The following KLHL41 variants were observed in gnomAD, a reference collection of about 807,000 sequenced individuals.
The protein encoded by KLHL41 is kelch like family member 41, also known as kelch-like protein 41.
Under a neutral mutation model 49.2 loss-of-function variants are expected in KLHL41, and 31 were observed. That is an observed-to-expected ratio of 0.63 (90% CI 0.47 to 0.85). The LOEUF (loss-of-function observed/expected upper bound fraction) is 0.85. Ranked by LOEUF, KLHL41 falls within the 40% of genes least tolerant of loss-of-function variation. The pLI, the probability that KLHL41 is intolerant of heterozygous loss-of-function variation, is 0.00. For synonymous variants in KLHL41, 218 were observed against 258.5 expected, an observed-to-expected ratio of 0.84 and a Z score of 1.50; for missense variants, 663 against 726.7, an observed-to-expected ratio of 0.91 and a Z score of 1.01.
At chr2:169,524,717 C>CCAGG (rs1341230024) in intron 5 of KLHL41, among the ~76,000 whole-genome samples, 17 of 151,746 alleles carry the variant, frequency 1.1e-4, no homozygotes, top group African/African-American at 4.1e-4. Flanking sequence ...TTGTCTTGTG[C>CCAGG]CAGGTCTTGA....
In KLHL41 at chr2:169,525,636, T is replaced by C. The variant is rs1366879108; in HGVS notation, c.1761T>C (p.Tyr587=). The change falls in exon 6 of 6, where the codon TAT becomes TAC. Residue 587 remains tyrosine, a synonymous_variant. Transcript: ENST00000284669. ...EWAGMLKEIR[Y]ASGASCLATR... Reference sequence around the variant, plus strand: ...CTGGGATGTTGAAGGAAATACGTTATGCTTCAGGAGCTAGTTGCCTAGCAA... The same window carrying C: ...CTGGGATGTTGAAGGAAATACGTTACGCTTCAGGAGCTAGTTGCCTAGCAA... 6.2e-7 allele frequency: 1 copy of C among 1,613,796 alleles called. No homozygotes were observed. Among genetic ancestry groups the C allele is most frequent in the African/African-American group, 1.3e-5 (1 of 75,058 alleles).
rs762581295 is a variant in KLHL41, at chr2:169,509,797, C to G, written c.19C>G (p.Leu7Val). The G allele has an allele frequency of 1.2e-6, 2 of 1,611,620 alleles. No homozygotes were observed. The highest frequency in any genetic ancestry group is 2.2e-5 in the South Asian group (2 of 90,932). Residue 7 changes from leucine to valine, a missense_variant, in exon 1 of 6, where the codon CTT becomes GTT. Coordinates refer to ENST00000284669, the MANE Select transcript of KLHL41 (RefSeq NM_006063.3). MDSQRE[L>V]AEELRLYQST... The stretch of plus-strand genomic sequence containing the variant: ...TCACAGAATGGATTCCCAGCGGGAA[C>G]TTGCAGAGGAACTGCGGCTTTACCA...
Position 169,509,717 on chromosome 2 carries a change from C to T in KLHL41, c.-62C>T. The T allele has an allele frequency of 6.6e-7, 1 of 1,511,478 alleles. No homozygotes were observed. The highest frequency in any genetic ancestry group is 8.9e-7 in the Non-Finnish European group (1 of 1,126,548). The allele number at this position is 1,511,478 out of a possible 1,614,324, so 93.6% of individuals were successfully genotyped here. A position where few individuals can be genotyped will look rare whatever the true frequency, so the allele number is the denominator to read the frequency against. ...ACTGATCTGCCTTTTTACAGCTAGA[C>T]CTGTGTGCTGCAAGGAGCTAAGGCC... On this transcript the variant is annotated 5_prime_UTR_variant, in exon 1 of 6. Transcript: ENST00000284669.
At chr2:169,517,419 A>G (rs1352740837) in intron 3 of KLHL41, among the ~76,000 whole-genome samples, 1 of 152,230 alleles carries the variant, frequency 6.6e-6, no homozygotes, top group East Asian at 1.9e-4. Flanking sequence ...CCTGGCCAAC[A>G]TGGCGAAACC....
chr2:169,511,660 A>G (rs996128614), intron 1 of KLHL41, among the ~76,000 whole-genome samples: 3 of 152,094 alleles, frequency 2.0e-5, no homozygotes, highest in Non-Finnish European at 2.9e-5. Context: ...TATTCCACAC[A>G]CTTTGGATTA....
Position 169,510,578 on chromosome 2 carries a change from G to A in KLHL41, c.800G>A (p.Ser267Asn), listed in dbSNP as rs1400797830. The A allele has an allele frequency of 1.2e-6, 2 of 1,614,174 alleles. No homozygotes were observed. Among genetic ancestry groups the A allele is most frequent in the East Asian group, 2.2e-5 (1 of 44,888 alleles). Residue 267 changes from serine (S) to asparagine (N), a missense_variant, in exon 1 of 6, where the codon AGC becomes AAC. Transcript: ENST00000284669. This position sits in a 1 kb window ranked among gnomAD's most constrained non-coding sequence, Gnocchi z 4.2. The stretch of plus-strand genomic sequence containing the variant: ...TTCGCAGGCAAACTCCCAGAACCTA[G>A]CAAAAATGCCGCGAAGACTGGGGCT... ...DAFAGKLPEP[S>N]KNAAKTGAGE... is the part of the protein sequence containing the mutation.
chr2:169,518,067 T>A (rs550173333), intron 3 of KLHL41, 123 bp from the exon 4 acceptor site: 2 of 676,158 alleles, frequency 3.0e-6, no homozygotes, highest in South Asian at 4.5e-5. Flanking sequence ...TATGTTCAAA[T>A]TAAGAATTCT....
At chr2:169,515,163 A>C (rs1684097060) in intron 3 of KLHL41, among the ~76,000 whole-genome samples, 1 of 151,250 alleles carries the variant, frequency 6.6e-6, no homozygotes, top group Non-Finnish European at 1.5e-5. Context: ...CCTCCTGAGT[A>C]GCTGGGATTA....
intron 5 of KLHL41, among the ~76,000 whole-genome samples, chr2:169,524,804 GA>G (rs1261414099): frequency 6.6e-6 from 1 of 151,838 alleles, no homozygotes; most frequent in Non-Finnish European, 1.5e-5. Context: ...ATGGGGGGGG[GA>G]ATTAAAATGG....
intron 4 of KLHL41, among the ~76,000 whole-genome samples, chr2:169,520,155 TGTGTG>T (rs1684176317): frequency 1.4e-3 from 1 of 728 alleles, no homozygotes; most frequent in Non-Finnish European, 3.1e-3. Flanking sequence ...CCTAGCTCTG[TGTGTG>T]TGTGTGTGTG....
At chr2:169,511,036 C>G in intron 1 of KLHL41, 148 bp downstream of exon 1, 2 of 660,126 alleles carry the variant, frequency 3.0e-6, no homozygotes. Context: ...CTGTATAGAG[C>G]GTTGACAGAA....
chr2:169,517,651 C>G (rs1369804589), intron 3 of KLHL41, among the ~76,000 whole-genome samples: 1 of 152,186 alleles, frequency 6.6e-6, no homozygotes, highest in African/African-American at 2.4e-5. Context: ...AAACTGTTGT[C>G]ATGATTCATC....
At chr2:169,514,819 T>C (rs774274795) in intron 2 of KLHL41, 35 bp from the exon 3 acceptor site, 18 of 1,592,186 alleles carry the variant, frequency 1.1e-5, no homozygotes, top group Non-Finnish European at 1.5e-5. Flanking sequence ...TGGAATTTAC[T>C]GAAGGTATAT....
chr2:169,512,725 A>C (rs1274023476), intron 1 of KLHL41, among the ~76,000 whole-genome samples: 1 of 152,168 alleles, frequency 6.6e-6, no homozygotes, highest in Non-Finnish European at 1.5e-5. Flanking sequence ...GGATAAAAAC[A>C]CTTCACCATA....
chr2:169,524,418 C>CTTTTTTTT (rs113248017), intron 5 of KLHL41, among the ~76,000 whole-genome samples: 6 of 116,028 alleles, frequency 5.2e-5, no homozygotes, highest in Non-Finnish European at 9.1e-5. Flanking sequence ...TGGGGTAAAT[C>CTTTTTTTT]TTTTTTTTTT....
At chr2:169,515,075 C>A (rs1274048183) in intron 3 of KLHL41, 114 bp downstream of exon 3, 14 of 653,132 alleles carry the variant, frequency 2.1e-5, no homozygotes, top group Non-Finnish European at 3.3e-5. Context: ...CTCTTGTTGC[C>A]CAGGCTGGAG....
At chr2:169,521,029 T>C (rs963483226) in intron 5 of KLHL41, 22 bp downstream of exon 5, 2 of 1,602,982 alleles carry the variant, frequency 1.2e-6, no homozygotes, top group African/African-American at 1.3e-5. Context: ...TCACTTCAAT[T>C]TTCAGAATCA....
chr2:169,512,355 A>G (rs1471843562), intron 1 of KLHL41, among the ~76,000 whole-genome samples: 4 of 152,222 alleles, frequency 2.6e-5, no homozygotes, highest in Admixed American at 2.6e-4. Context: ...TTATAAAAAC[A>G]CAGATAGACA....
At chr2:169,513,198 G>A (rs1327190541) in intron 1 of KLHL41, among the ~76,000 whole-genome samples, 1 of 152,162 alleles carries the variant, frequency 6.6e-6, no homozygotes, top group Admixed American at 6.5e-5. Flanking sequence ...AACCAACTGT[G>A]AATGTACATG....
Sources: allele counts gnomAD v4.1 joint callset (sites outside exome capture counted in the v4.1 genomes callset), GRCh38; gene constraint gnomAD v4.1.1; non-coding constraint Gnocchi (gnomAD v3.1); transcripts MANE v1.5; gene names NCBI Gene and HGNC (gene_info 2026-07-23, HGNC 2026-07-21).